The following XIAP variants were observed in gnomAD, a reference collection of about 807,000 sequenced individuals.
XIAP encodes E3 ubiquitin-protein ligase XIAP.
A neutral mutation model predicts 33.1 loss-of-function variants in XIAP; 3 were observed. The ratio of observed to expected loss-of-function variants is 0.09; its 90% CI spans 0.04 to 0.23. The LOEUF (loss-of-function observed/expected upper bound fraction) is 0.23. XIAP is among the 10% of genes least tolerant of loss of function. The pLI, the probability that XIAP is intolerant of heterozygous loss-of-function variation, is 1.00. For missense variants in XIAP, 264 were observed against 363.0 expected, an observed-to-expected ratio of 0.73 and a Z score of 2.22; for synonymous variants, 98 against 121.3, an observed-to-expected ratio of 0.81 and a Z score of 1.26.
chrX:123,895,763 CTTTTT>C (rs202012632), intron 5 of XIAP, among the ~76,000 whole-genome samples: 1 of 98,545 alleles, frequency 1.0e-5, no homozygotes, highest in African/African-American at 3.6e-5. Context: ...TCTCCTTTGA[CTTTTT>C]TTTTTTTTTT....
chrX:123,888,633 G>A lies in XIAP; in HGVS notation c.892G>A (p.Val298Ile), dbSNP rs756954653. 8.3e-7 allele frequency: 1 copy of A among 1,211,544 alleles called. No individual in the cohort carries two copies. The highest frequency in any genetic ancestry group is 1.1e-6 in the Non-Finnish European group (1 of 895,242). ...TGTTTTCGTAGGTGAAGGTGATAAA[G>A]TAAAGTGCTTTCACTGTGGAGGAGG... ...GFYALGEGDK[V>I]KCFHCGGGLT... is the part of the protein sequence containing the mutation. Residue 298 changes from valine to isoleucine, a missense_variant, in exon 3 of 7, where the codon GTA becomes ATA. By Grantham distance (29) the Val-to-Ile change is conservative. Transcript: ENST00000371199.
At position 123,895,763 on chromosome X, in the gene XIAP, CT is replaced by C. The variant is rs202012632; in HGVS notation, c.1099+3006del. Among the ~76,000 whole-genome samples the C allele has an allele frequency of 6.8e-3, 672 of 98,440 alleles. 1 individual carries two copies. Among genetic ancestry groups the C allele is most frequent in the East Asian group, 0.036 (114 of 3,176 alleles). 85.5% of individuals were successfully genotyped at this position (98,440 alleles called of 115,157 possible). A position where few individuals can be genotyped will look rare whatever the true frequency, so the allele number is the denominator to read the frequency against. On this transcript the variant is annotated intron_variant, in intron 5 of 6. Coordinates refer to ENST00000371199, the MANE Select transcript of XIAP (RefSeq NM_001167.4). ...AGAAACGTCTGTTCATCTCCTTTGA[CT>C]TTTTTTTTTTTTTTTGAGACGGAGT...
At chrX:123,869,497 C>T (rs1360632242) in intron 1 of XIAP, among the ~76,000 whole-genome samples, 1 of 107,051 alleles carries the variant, frequency 9.3e-6, no homozygotes, top group Non-Finnish European at 1.9e-5. Flanking sequence ...GTACTCCAGC[C>T]TGGATGACAG....
intron 3 of XIAP, 65 bp downstream of exon 3, chrX:123,888,783 C>A: frequency 1.0e-6 from 1 of 974,746 alleles, no homozygotes; most frequent in Non-Finnish European, 1.5e-6. Context: ...ACTTGAATTA[C>A]TTTTTACCTC....
At chrX:123,903,790 T>G (rs2053536919) in intron 6 of XIAP, among the ~76,000 whole-genome samples, 1 of 108,363 alleles carries the variant, frequency 9.2e-6, no homozygotes, top group African/African-American at 3.4e-5. Context: ...AAACCGAAAC[T>G]CTACATCCAT....
At chrX:123,892,463 G>A (rs2053416732) in intron 4 of XIAP, among the ~76,000 whole-genome samples, 1 of 111,303 alleles carries the variant, frequency 9.0e-6, no homozygotes, top group Non-Finnish European at 1.9e-5. Context: ...GACTAAAATG[G>A]GAGACTAGAG....
intron 5 of XIAP, among the ~76,000 whole-genome samples, chrX:123,895,293 A>G (rs2053449920): frequency 8.9e-6 from 1 of 112,302 alleles, no homozygotes; most frequent in Non-Finnish European, 1.9e-5. Flanking sequence ...ATTCTTTTCT[A>G]TTGTAGAAAA....
At chrX:123,887,022 C>T (rs1355910004) in intron 2 of XIAP, among the ~76,000 whole-genome samples, 2 of 112,045 alleles carry the variant, frequency 1.8e-5, no homozygotes, top group African/African-American at 3.2e-5. Context: ...CGGGTTCAAG[C>T]GATTCTCCTG....
chrX:123,872,492 C>T (rs910080119), intron 1 of XIAP: 3 of 110,398 alleles, frequency 2.7e-5, no homozygotes, highest in African/African-American at 6.6e-5. Context: ...GTTTTGAGAA[C>T]AGTCTGGCCA....
chrX:123,899,070 G>A (rs1249498172), intron 5 of XIAP, among the ~76,000 whole-genome samples: 3 of 81,064 alleles, frequency 3.7e-5, no homozygotes, highest in Middle Eastern at 0.018. Flanking sequence ...GCAGTGAGCC[G>A]AGACGCGCCA....
chrX:123,874,453 A>G (rs982931449), intron 1 of XIAP: 3 of 111,249 alleles, frequency 2.7e-5, no homozygotes, highest in Non-Finnish European at 5.6e-5. Flanking sequence ...TTAATACAAC[A>G]TCATGGTGCT....
At chrX:123,865,180 T>C (rs1261054228) in intron 1 of XIAP, among the ~76,000 whole-genome samples, 2 of 109,907 alleles carry the variant, frequency 1.8e-5, no homozygotes, top group Non-Finnish European at 3.8e-5. Flanking sequence ...TAAAGGACAT[T>C]GTGTGAGTAG....
chrX:123,873,482 C>T (rs998130247), intron 1 of XIAP, among the ~76,000 whole-genome samples: 1 of 109,287 alleles, frequency 9.2e-6, no homozygotes, highest in African/African-American at 3.3e-5. Flanking sequence ...CCCTCTCTCT[C>T]TCTCTTTTTT....
rs1427367068 is a variant in XIAP at position 123,912,828 on chromosome X, G to A, written c.*5647G>A. On this transcript the variant is annotated 3_prime_UTR_variant, in exon 7 of 7. Coordinates refer to ENST00000371199, the MANE Select transcript of XIAP (RefSeq NM_001167.4). ...CCACGGTGCCCAGTTAATTTTTTTT[G>A]TATTCTTAGTAGAGACAGGGTTTCA... 2 of 319,232 alleles carry A rather than the reference G, an allele frequency of 6.3e-6. No individual in the cohort carries two copies. Among genetic ancestry groups the A allele is most frequent in the Non-Finnish European group, 1.2e-5 (2 of 166,132 alleles). The allele number at this position is 319,232 out of a possible 1,213,427, so 26.3% of individuals were successfully genotyped here.
At chrX:123,890,227 A>G (rs1186928415) in intron 3 of XIAP, among the ~76,000 whole-genome samples, 2 of 102,233 alleles carry the variant, frequency 2.0e-5, no homozygotes, top group Admixed American at 1.1e-4. Flanking sequence ...CGTGTTAGCC[A>G]GGATGGTCTC....
At chrX:123,896,175 T>G (rs769321787) in intron 5 of XIAP, among the ~76,000 whole-genome samples, 1 of 111,460 alleles carries the variant, frequency 9.0e-6, no homozygotes, top group Admixed American at 9.6e-5. Context: ...CAAGCAATTC[T>G]GCTGCCTCAG....
In XIAP at chrX:123,900,554, G is replaced by C; in HGVS notation, c.1161G>C (p.Lys387Asn). ...CTATACGAATGGGGTTCAGTTTCAA[G>C]GACATTAAGAAAATAATGGAGGAAA... ...QEAIRMGFSFKDIKKIMEEKI... is the reference protein window; with the variant it reads ...QEAIRMGFSFNDIKKIMEEKI... The change falls in exon 6 of 7, where the codon AAG becomes AAC. Residue 387 changes from lysine to asparagine, a missense_variant. Transcript: ENST00000371199. The C allele has an allele frequency of 8.3e-7, 1 of 1,210,889 alleles. No homozygotes were observed. Among genetic ancestry groups the C allele is most frequent in the Non-Finnish European group, 1.1e-6 (1 of 894,811 alleles).
chrX:123,882,604 G>T (rs941281772), intron 1 of XIAP, among the ~76,000 whole-genome samples: 36 of 112,296 alleles, frequency 3.2e-4, no homozygotes, highest in African/African-American at 1.1e-3. Context: ...GGATCTGGAT[G>T]TTGCACATCT....
Position 123,886,271 on chromosome X carries a change from T to C in XIAP, c.609T>C (p.Cys203=). Residue 203 remains cysteine, a synonymous_variant, in exon 2 of 7, where the codon TGT becomes TGC. Transcript: ENST00000371199. The part of the protein sequence containing the change: ...GIGDQVQCFC[C]GGKLKNWEPC... ...GTGACCAAGTGCAGTGCTTTTGTTG[T>C]GGTGGAAAACTGAAAAATTGGGAAC... The C allele has an allele frequency of 1.7e-6, 2 of 1,212,070 alleles. No individual in the cohort carries two copies. Among genetic ancestry groups the C allele is most frequent in the Non-Finnish European group, 2.2e-6 (2 of 895,587 alleles).
Sources: gnomAD v4.1 joint callset for allele counts (sites outside exome capture counted in the v4.1 genomes callset) on GRCh38, gnomAD v4.1.1 for gene constraint, MANE v1.5 for transcripts, NCBI Gene and HGNC (gene_info 2026-07-23, HGNC 2026-07-21) for gene names.